Variants in MINDY3 observed in about 807,000 individuals in gnomAD.
MINDY3 encodes MINDY lysine 48 deubiquitinase 3, also known as ubiquitin carboxyl-terminal hydrolase MINDY-3.
MINDY3 carries 38 observed loss-of-function variants against 69.2 expected under a neutral mutation model. That is an observed-to-expected ratio of 0.55 (90% CI 0.42 to 0.72). MINDY3 has a LOEUF of 0.72. Ranked by LOEUF, MINDY3 falls within the 30% of genes least tolerant of loss-of-function variation. MINDY3 has a pLI of 0.00. For synonymous variants in MINDY3, 192 were observed against 180.1 expected (o/e 1.07, Z -0.53); for missense variants, 522 against 519.0 (o/e 1.01, Z -0.06).
intron 1 of MINDY3, among the ~76,000 whole-genome samples, chr10:15,859,627 AGAT>A (rs142626908): frequency 0.034 from 5,141 of 152,312 alleles, 264 homozygotes; most frequent in African/African-American, 0.12. Context: ...TAACCGTGAC[AGAT>A]AATAAACCAT....
intron 4 of MINDY3, among the ~76,000 whole-genome samples, chr10:15,840,739 A>T (rs948932681): frequency 6.6e-6 from 1 of 151,648 alleles, no homozygotes; most frequent in Non-Finnish European, 1.5e-5. Flanking sequence ...AGCAACTCTT[A>T]ACTAGCTTCC....
chr10:15,802,066 T>C (rs769055952), intron 10 of MINDY3, among the ~76,000 whole-genome samples: 1 of 151,604 alleles, frequency 6.6e-6, no homozygotes, highest in Non-Finnish European at 1.5e-5. Context: ...ATATAATACA[T>C]ATAAAATACA....
At chr10:15,853,854 G>C (rs1834492704) in intron 1 of MINDY3, among the ~76,000 whole-genome samples, 1 of 151,944 alleles carries the variant, frequency 6.6e-6, no homozygotes, top group African/African-American at 2.4e-5. Context: ...GACATTTCAA[G>C]GAAAATAGCC....
At chr10:15,841,932 T>G (rs571103541) in intron 3 of MINDY3, among the ~76,000 whole-genome samples, 2 of 151,884 alleles carry the variant, frequency 1.3e-5, no homozygotes, top group Non-Finnish European at 3.0e-5. Flanking sequence ...GCCAAGAGGT[T>G]TCCTCTACTG....
intron 1 of MINDY3, among the ~76,000 whole-genome samples, chr10:15,858,833 A>G (rs1416342511): frequency 1.3e-5 from 2 of 152,228 alleles, no homozygotes; most frequent in Non-Finnish European, 2.9e-5. Context: ...ACAGTATTTT[A>G]GAGCTGCTTA....
At chr10:15,796,905 C>G (rs765335544) in intron 10 of MINDY3, among the ~76,000 whole-genome samples, 5 of 152,170 alleles carry the variant, frequency 3.3e-5, no homozygotes, top group Non-Finnish European at 4.4e-5. Context: ...ACACATGAAT[C>G]TAAAATGTAG....
intron 14 of MINDY3, among the ~76,000 whole-genome samples, chr10:15,779,988 T>A (rs1564445138): frequency 6.6e-6 from 1 of 152,196 alleles, no homozygotes; most frequent in Non-Finnish European, 1.5e-5. Flanking sequence ...GGTTAATTTC[T>A]TTTTTGTACC....
At chr10:15,807,485 G>GT (rs1411971685) in intron 10 of MINDY3, among the ~76,000 whole-genome samples, 8 of 152,124 alleles carry the variant, frequency 5.3e-5, no homozygotes, top group African/African-American at 1.9e-4. Context: ...ATTAAACTTA[G>GT]TAAGACTTAG....
At chr10:15,832,804 A>G (rs114906792) in intron 8 of MINDY3, among the ~76,000 whole-genome samples, 2,477 of 152,246 alleles carry the variant, frequency 0.016, 71 homozygotes, top group African/African-American at 0.056. Context: ...TTAACTACAC[A>G]TTTCTGAATT....
chr10:15,841,719 A>G (rs1833484214), intron 3 of MINDY3, 120 bp from the exon 4 acceptor site: 2 of 540,330 alleles, frequency 3.7e-6, no homozygotes, highest in South Asian at 7.5e-5. Flanking sequence ...AAATGGGGGA[A>G]AAATCTCTAA....
At chr10:15,845,411 T>G (rs1833760531) in intron 2 of MINDY3, among the ~76,000 whole-genome samples, 1 of 152,222 alleles carries the variant, frequency 6.6e-6, no homozygotes, top group Non-Finnish European at 1.5e-5. Context: ...TATATGTACT[T>G]GCTCACTTCT....
chr10:15,841,070 A>G (rs1304546446), intron 4 of MINDY3, among the ~76,000 whole-genome samples: 1 of 151,462 alleles, frequency 6.6e-6, no homozygotes, highest in Non-Finnish European at 1.5e-5. Flanking sequence ...CTGATGTCCA[A>G]AAAAATCCGT....
At chr10:15,825,547 C>G (rs1840031421) in intron 8 of MINDY3, among the ~76,000 whole-genome samples, 1 of 152,128 alleles carries the variant, frequency 6.6e-6, no homozygotes, top group African/African-American at 2.4e-5. Flanking sequence ...ATGAAACAAA[C>G]CATCAAAACT....
intron 13 of MINDY3, among the ~76,000 whole-genome samples, chr10:15,786,336 A>G (rs540429309): frequency 2.0e-5 from 3 of 152,072 alleles, no homozygotes; most frequent in Non-Finnish European, 4.4e-5. Context: ...CATTATGTGT[A>G]TAGACTGGTG....
At chr10:15,838,300 T>G (rs1160896074) in intron 4 of MINDY3, 21 bp from the exon 5 acceptor site, 2 of 1,592,306 alleles carry the variant, frequency 1.3e-6, no homozygotes, top group Non-Finnish European at 1.7e-6. Context: ...AAGACACTTT[T>G]CAGCACTACA....
At chr10:15,818,718 T>C (rs1447312885) in intron 9 of MINDY3, among the ~76,000 whole-genome samples, 2 of 152,100 alleles carry the variant, frequency 1.3e-5, no homozygotes, top group African/African-American at 4.8e-5. Flanking sequence ...CCATGCTAAG[T>C]GAAAGGAGCC....
intron 4 of MINDY3, among the ~76,000 whole-genome samples, chr10:15,838,663 A>G (rs1564517046): frequency 2.0e-5 from 3 of 151,686 alleles, no homozygotes; most frequent in Admixed American, 1.3e-4. Flanking sequence ...CTTCCTTTTT[A>G]TAATATAAAA....
intron 9 of MINDY3, among the ~76,000 whole-genome samples, chr10:15,821,188 A>C (rs1180706544): frequency 6.6e-6 from 1 of 152,214 alleles, no homozygotes; most frequent in African/African-American, 2.4e-5. Flanking sequence ...AAAATGCTTG[A>C]AATTTTTTTC....
chr10:15,794,080 A>G (rs1443791890), intron 11 of MINDY3, among the ~76,000 whole-genome samples: 1 of 152,012 alleles, frequency 6.6e-6, no homozygotes, highest in Non-Finnish European at 1.5e-5. Flanking sequence ...CAGGGGTGGG[A>G]GCTAAAAGTG....
Sources: gnomAD v4.1 joint callset for allele counts (sites outside exome capture counted in the v4.1 genomes callset) on GRCh38, gnomAD v4.1.1 for gene constraint, MANE v1.5 for transcripts, NCBI Gene and HGNC (gene_info 2026-07-23, HGNC 2026-07-21) for gene names.